The following ASCC1 variants were observed in gnomAD, a reference collection of about 807,000 sequenced individuals.
The protein encoded by ASCC1 is ASC-1 complex subunit P50.
Under a neutral mutation model 46.6 loss-of-function variants are expected in ASCC1, and 35 were observed. The observed-to-expected ratio is 0.75, with a 90% CI of 0.57 to 0.99. The LOEUF (loss-of-function observed/expected upper bound fraction) is 0.99. Ranked by LOEUF, ASCC1 falls within the 50% of genes least tolerant of loss-of-function variation. The pLI is 0.00. For missense variants in ASCC1, 376 were observed against 428.7 expected, an observed-to-expected ratio of 0.88 and a Z score of 1.09; for synonymous variants, 143 against 146.6, an observed-to-expected ratio of 0.98 and a Z score of 0.18.
At chr10:72,106,391 C>T (rs1191923725) in intron 9 of ASCC1, among the ~76,000 whole-genome samples, 3 of 152,136 alleles carry the variant, frequency 2.0e-5, no homozygotes, top group Admixed American at 6.5e-5. Flanking sequence ...TGCTATTGTT[C>T]TCATGTATGG....
At chr10:72,099,688 C>T (rs184409890) in intron 9 of ASCC1, among the ~76,000 whole-genome samples, 27 of 152,170 alleles carry the variant, frequency 1.8e-4, no homozygotes, top group East Asian at 9.7e-4. Context: ...GGCGTGGCAG[C>T]GCATGCCTGT....
At chr10:72,152,757 A>T in intron 7 of ASCC1, 112 bp downstream of exon 7, 1 of 1,266,774 alleles carries the variant, frequency 7.9e-7, no homozygotes, top group Non-Finnish European at 1.1e-6. Flanking sequence ...AGAAATAATT[A>T]ACATGTTCTT....
intron 6 of ASCC1, among the ~76,000 whole-genome samples, chr10:72,156,534 G>A (rs909769965): frequency 5.9e-5 from 9 of 152,230 alleles, no homozygotes; most frequent in East Asian, 5.8e-4. Flanking sequence ...AGGCTAAGGC[G>A]GGTGGATCAT....
intron 9 of ASCC1, among the ~76,000 whole-genome samples, chr10:72,103,434 T>C (rs1842019855): frequency 6.6e-6 from 1 of 152,040 alleles, no homozygotes; most frequent in East Asian, 1.9e-4. Context: ...GCCCGGCCAA[T>C]AGATCCTATG....
intron 3 of ASCC1, among the ~76,000 whole-genome samples, chr10:72,207,644 T>C (rs12244953): frequency 0.14 from 21,456 of 151,964 alleles, 4,320 homozygotes; most frequent in African/African-American, 0.45. Context: ...TTTTCAGAAG[T>C]TCCCCAGATG....
chr10:72,148,752 G>A (rs1476566459), intron 7 of ASCC1, among the ~76,000 whole-genome samples: 1 of 151,938 alleles, frequency 6.6e-6, no homozygotes, highest in Non-Finnish European at 1.5e-5. Flanking sequence ...ACCATGCATG[G>A]GTTAAAGATC....
chr10:72,119,731 AC>A (rs113346178), intron 9 of ASCC1, among the ~76,000 whole-genome samples: 6 of 151,906 alleles, frequency 3.9e-5, no homozygotes, highest in African/African-American at 1.5e-4. Flanking sequence ...AAAAAAAAAA[AC>A]CAACACAACA....
chr10:72,170,972 CA>C (rs1424128215), intron 5 of ASCC1, among the ~76,000 whole-genome samples: 2 of 151,956 alleles, frequency 1.3e-5, no homozygotes, highest in Admixed American at 1.3e-4. Context: ...CCACCCCCCC[CA>C]ATATTTTTAA....
intron 5 of ASCC1, among the ~76,000 whole-genome samples, chr10:72,178,493 C>T (rs905017144): frequency 6.6e-6 from 1 of 152,142 alleles, no homozygotes; most frequent in African/African-American, 2.4e-5. Context: ...AGAGCAGTCA[C>T]GTGTCAAGGA....
Position 72,096,971 on chromosome 10 carries a change from T to C in ASCC1, c.*363A>G, listed in dbSNP as rs1022700005. 1 of 454,826 alleles carries C rather than the reference T, an allele frequency of 2.2e-6. No homozygotes were observed. Among genetic ancestry groups the C allele is most frequent in the Non-Finnish European group, 4.4e-6 (1 of 227,390 alleles). 28.2% of individuals were successfully genotyped at this position (454,826 alleles called of 1,614,324 possible). A position where few individuals can be genotyped will look rare whatever the true frequency, so the allele number is the denominator to read the frequency against. ...TTACAAGCTGAGAAGCCTATGGAGATGGACGGCGGTGACGGCCACACAGCA... is the reference window on the plus strand; with the variant it reads ...TTACAAGCTGAGAAGCCTATGGAGACGGACGGCGGTGACGGCCACACAGCA... On this transcript the variant is annotated 3_prime_UTR_variant, in exon 10 of 10. Transcript: ENST00000672957.
Position 72,096,728 on chromosome 10 carries a change from T to G in ASCC1, c.*606A>C, listed in dbSNP as rs973337815. On this transcript the variant is annotated 3_prime_UTR_variant, in exon 10 of 10. Transcript: ENST00000672957. ...GTAACGGAACATTCCATTATATGTA[T>G]AATACAGGAAGGAAATCCTGTCACC... 2 of 453,962 alleles carry G rather than the reference T, an allele frequency of 4.4e-6. No individual in the cohort carries two copies. Among genetic ancestry groups the G allele is most frequent in the African/African-American group, 4.0e-5 (2 of 49,978 alleles). 28.1% of individuals were successfully genotyped at this position (453,962 alleles called of 1,614,324 possible).
At chr10:72,171,434 T>C (rs191749183) in intron 5 of ASCC1, among the ~76,000 whole-genome samples, 2 of 152,236 alleles carry the variant, frequency 1.3e-5, no homozygotes, top group East Asian at 3.9e-4. Flanking sequence ...ATTTCCTCTT[T>C]TTTTTTTTCT....
chr10:72,204,481 GTT>G, intron 3 of ASCC1: 1 of 1,550,368 alleles, frequency 6.5e-7, no homozygotes, highest in Admixed American at 2.0e-5. Context: ...ACCCACAGTC[GTT>G]TGATGTGTTC....
At chr10:72,113,166 A>G (rs1171026790) in intron 9 of ASCC1, among the ~76,000 whole-genome samples, 1 of 152,196 alleles carries the variant, frequency 6.6e-6, no homozygotes, top group Non-Finnish European at 1.5e-5. Flanking sequence ...ACATTACCAA[A>G]TATTTATTTT....
At chr10:72,133,343 A>G in intron 7 of ASCC1, 162 bp from the exon 8 acceptor site, 2 of 694,338 alleles carry the variant, frequency 2.9e-6, no homozygotes, top group South Asian at 3.3e-5. Context: ...ACCATCATGG[A>G]GCTAAAGATC....
intron 4 of ASCC1, among the ~76,000 whole-genome samples, chr10:72,202,156 T>C (rs886630062): frequency 6.6e-6 from 1 of 152,092 alleles, no homozygotes; most frequent in Non-Finnish European, 1.5e-5. Flanking sequence ...TGGAGGTTGC[T>C]GCACTCTTTG....
At chr10:72,189,595 G>C (rs776668706) in intron 5 of ASCC1, among the ~76,000 whole-genome samples, 2 of 151,848 alleles carry the variant, frequency 1.3e-5, no homozygotes, top group Non-Finnish European at 1.5e-5. Context: ...CTGAGGTCAG[G>C]AGTTTGAGAC....
chr10:72,190,561 C>T, intron 5 of ASCC1: 1 of 1,403,750 alleles, frequency 7.1e-7, no homozygotes, highest in Non-Finnish European at 9.8e-7. Flanking sequence ...CTCTCCAGCT[C>T]CACCATTATC....
intron 5 of ASCC1, chr10:72,190,602 A>G: frequency 9.1e-7 from 1 of 1,103,602 alleles, no homozygotes; most frequent in Admixed American, 2.5e-5. Flanking sequence ...TAAAATTCAT[A>G]CCTAATAAAC....
Sources: allele counts gnomAD v4.1 joint callset (sites outside exome capture counted in the v4.1 genomes callset), GRCh38; gene constraint gnomAD v4.1.1; transcripts MANE v1.5; gene names NCBI Gene and HGNC (gene_info 2026-07-23, HGNC 2026-07-21).